The following GPC6 variants were observed in gnomAD, a reference collection of about 807,000 sequenced individuals.
GPC6 encodes the protein glypican-6.
A neutral mutation model predicts 55.2 loss-of-function variants in GPC6; 14 were observed. The ratio of observed to expected loss-of-function variants is 0.25; its 90% CI spans 0.17 to 0.40. GPC6 has a LOEUF of 0.40. GPC6 is among the 10% of genes least tolerant of loss of function. The pLI, the probability that GPC6 is intolerant of heterozygous loss-of-function variation, is 1.00. For missense variants in GPC6, 641 were observed against 708.5 expected (o/e 0.90, Z 1.08); for synonymous variants, 278 against 259.6 (o/e 1.07, Z -0.68).
intron 1 of GPC6, among the ~76,000 whole-genome samples, chr13:93,336,566 A>G (rs1268784922): frequency 1.3e-5 from 2 of 152,214 alleles, no homozygotes; most frequent in Non-Finnish European, 2.9e-5. Context: ...CATGGATTTC[A>G]ATGCAGTCCA....
intron 2 of GPC6, among the ~76,000 whole-genome samples, chr13:93,828,535 A>G (rs778546828): frequency 6.6e-6 from 1 of 152,034 alleles, no homozygotes; most frequent in Admixed American, 6.6e-5. Context: ...ATTTCGCCCT[A>G]TCTGCTTCAA....
At chr13:94,293,756 A>G (rs902713810) in intron 5 of GPC6, among the ~76,000 whole-genome samples, 9 of 152,164 alleles carry the variant, frequency 5.9e-5, no homozygotes, top group Admixed American at 3.9e-4. Flanking sequence ...CGTGTAACAA[A>G]CAAGTGGTGT....
intron 2 of GPC6, 129 bp from the exon 3 acceptor site, chr13:93,830,025 T>G: frequency 1.6e-6 from 1 of 644,766 alleles, no homozygotes; most frequent in Admixed American, 2.8e-5. Context: ...ATCTGTCCAT[T>G]AACACCTTAA....
intron 1 of GPC6, among the ~76,000 whole-genome samples, chr13:93,265,374 C>G (rs1395889229): frequency 1.3e-5 from 2 of 152,156 alleles, no homozygotes; most frequent in African/African-American, 2.4e-5. Context: ...AAACTGGAAA[C>G]AGTTTGAGTA....
intron 2 of GPC6, among the ~76,000 whole-genome samples, chr13:93,731,937 G>T (rs1172489873): frequency 1.3e-5 from 2 of 152,088 alleles, no homozygotes; most frequent in African/African-American, 4.8e-5. Flanking sequence ...ATGCTTAAAG[G>T]CATGGATACA....
At chr13:94,158,752 G>A (rs1050410207) in intron 4 of GPC6, among the ~76,000 whole-genome samples, 3 of 152,100 alleles carry the variant, frequency 2.0e-5, no homozygotes, top group Non-Finnish European at 4.4e-5. Context: ...AGATGTTAGT[G>A]AAGATCATAC....
intron 3 of GPC6, among the ~76,000 whole-genome samples, chr13:93,836,555 T>C (rs1177993590): frequency 6.6e-6 from 1 of 152,192 alleles, no homozygotes; most frequent in African/African-American, 2.4e-5. Flanking sequence ...CTGATAATTT[T>C]TCTATGTAGA....
At chr13:93,811,442 C>G (rs1341239153) in intron 2 of GPC6, among the ~76,000 whole-genome samples, 1 of 152,174 alleles carries the variant, frequency 6.6e-6, no homozygotes, top group Non-Finnish European at 1.5e-5. Flanking sequence ...TGGTCATTGA[C>G]AAGCTTGCAG....
intron 2 of GPC6, among the ~76,000 whole-genome samples, chr13:93,789,629 A>AATAC (rs1338799227): frequency 6.4e-5 from 4 of 62,360 alleles, no homozygotes; most frequent in Middle Eastern, 8.1e-3. Flanking sequence ...ATATATATAT[A>AATAC]TATATATATA....
At chr13:93,440,316 C>T (rs903391130) in intron 1 of GPC6, among the ~76,000 whole-genome samples, 7 of 152,180 alleles carry the variant, frequency 4.6e-5, no homozygotes, top group Non-Finnish European at 7.3e-5. Context: ...GAGTTTCTGC[C>T]ACTTGGTCAC....
At chr13:93,308,997 G>T (rs183602703) in intron 1 of GPC6, among the ~76,000 whole-genome samples, 17 of 152,104 alleles carry the variant, frequency 1.1e-4, no homozygotes, top group African/African-American at 4.1e-4. Flanking sequence ...TGATTTAATG[G>T]GCACTTATTG....
At chr13:93,941,172 G>A (rs150817770) in intron 3 of GPC6, among the ~76,000 whole-genome samples, 3,666 of 152,110 alleles carry the variant, frequency 0.024, 57 homozygotes, top group Middle Eastern at 0.051. Flanking sequence ...GAAAACTTTT[G>A]TTCTATCCAG....
intron 1 of GPC6, among the ~76,000 whole-genome samples, chr13:93,440,469 T>TA (rs1196793021): frequency 6.6e-6 from 1 of 152,188 alleles, no homozygotes; most frequent in African/African-American, 2.4e-5. Flanking sequence ...CCAAGTGCAA[T>TA]ACAAGTTGGA....
At chr13:93,540,000 T>C (rs1882224310) in intron 1 of GPC6, among the ~76,000 whole-genome samples, 1 of 152,176 alleles carries the variant, frequency 6.6e-6, no homozygotes, top group Admixed American at 6.5e-5. Context: ...CGCTTGGTAC[T>C]TTTTGAATGG....
intron 3 of GPC6, among the ~76,000 whole-genome samples, chr13:93,923,838 A>G (rs1395533374): frequency 6.6e-6 from 1 of 152,178 alleles, no homozygotes; most frequent in Non-Finnish European, 1.5e-5. Flanking sequence ...CAGCTCCCTT[A>G]TTTAGCATCT....
intron 2 of GPC6, among the ~76,000 whole-genome samples, chr13:93,787,195 C>T (rs1242998111): frequency 6.6e-6 from 1 of 152,182 alleles, no homozygotes; most frequent in East Asian, 1.9e-4. Context: ...AAACCATGAA[C>T]AATGTCATGT....
intron 3 of GPC6, among the ~76,000 whole-genome samples, chr13:93,906,824 A>G (rs1463151876): frequency 6.6e-6 from 1 of 152,212 alleles, no homozygotes; most frequent in African/African-American, 2.4e-5. Flanking sequence ...AATGAAAAAG[A>G]TGAAGGATTC....
chr13:93,710,034 C>T (rs561774655), intron 2 of GPC6, among the ~76,000 whole-genome samples: 1 of 151,698 alleles, frequency 6.6e-6, no homozygotes, highest in Non-Finnish European at 1.5e-5. Flanking sequence ...TTGTAAATTA[C>T]CATTGGAATG....
chr13:93,611,232 A>C (rs148098764), intron 2 of GPC6, among the ~76,000 whole-genome samples: 29 of 152,244 alleles, frequency 1.9e-4, no homozygotes, highest in South Asian at 1.9e-3. Flanking sequence ...GGCAATGGTA[A>C]AATTTAGACA....
Sources: gnomAD v4.1 joint callset for allele counts (sites outside exome capture counted in the v4.1 genomes callset) on GRCh38, gnomAD v4.1.1 for gene constraint, MANE v1.5 for transcripts, NCBI Gene and HGNC (gene_info 2026-07-23, HGNC 2026-07-21) for gene names.